The following ABCA10 variants were observed in gnomAD, a reference collection of about 807,000 sequenced individuals.
ABCA10 encodes ATP binding cassette subfamily A member 10.
A neutral mutation model predicts 187.5 loss-of-function variants in ABCA10; 169 were observed. The ratio of observed to expected loss-of-function variants is 0.90; its 90% CI spans 0.80 to 1.02. The LOEUF (loss-of-function observed/expected upper bound fraction) is 1.02, where lower values mean the gene tolerates loss of function less well. Among genes scored for constraint, ABCA10 ranks in the 50% least tolerant of loss-of-function variants. The pLI is 0.00. For missense variants in ABCA10, 1,727 were observed against 1,812.4 expected (o/e 0.95, Z 0.86); for synonymous variants, 574 against 601.8 (o/e 0.95, Z 0.68).
intron 5 of ABCA10, among the ~76,000 whole-genome samples, chr17:69,220,064 A>G (rs150873554): frequency 3.9e-4 from 59 of 152,380 alleles, no homozygotes; most frequent in African/African-American, 1.3e-3. Flanking sequence ...TACATTTTGT[A>G]GCGCAGCAGA....
At chr17:69,195,843 C>T (rs2074496080) in intron 11 of ABCA10, among the ~76,000 whole-genome samples, 2 of 151,960 alleles carry the variant, frequency 1.3e-5, no homozygotes, top group Admixed American at 6.5e-5. Context: ...CCTGAGTGGA[C>T]ACAGCACATG....
Position 69,216,087 on chromosome 17 carries a change from AT to A in ABCA10, c.673-88del, listed in dbSNP as rs2074701680. 46 of 1,554,696 alleles carry A rather than the reference AT, an allele frequency of 3.0e-5. No individual in the cohort carries two copies. In the South Asian group the frequency reaches 5.5e-4, roughly 18 times the overall value. On this transcript the variant is annotated intron_variant, in intron 7 of 38. Transcript: ENST00000690296. ...TCATCGATTTCTCACATTGTCAAAA[AT>A]TTTCTCAAAACATATAGAAAATAGG...
rs143548595 is a variant in ABCA10, at chr17:69,181,985, C to T, written c.2769+168G>A. Among the ~76,000 whole-genome samples, 84 of 152,024 alleles carry T rather than the reference C, an allele frequency of 5.5e-4. 2 individuals are homozygous for T. The East Asian group carries it at 0.016, about 29-fold the overall frequency. ...TCACAATAATTCTATAAAGTAGGTACTATTACGCTCCCTACTTTGCAGATG... is the reference window on the plus strand; with the variant it reads ...TCACAATAATTCTATAAAGTAGGTATTATTACGCTCCCTACTTTGCAGATG... On this transcript the variant is annotated intron_variant, in intron 22 of 38. Coordinates refer to ENST00000690296, the MANE Select transcript of ABCA10 (RefSeq NM_001377321.1).
Position 69,225,518 on chromosome 17 carries a change from T to C in ABCA10, c.-160A>G. 1 of 617,688 alleles carries C rather than the reference T, an allele frequency of 1.6e-6. No homozygotes were observed. The highest frequency in any genetic ancestry group is 2.3e-5 in the South Asian group (1 of 44,048). The allele number at this position is 617,688 out of a possible 1,614,324, so 38.3% of individuals were successfully genotyped here. On this transcript the variant is annotated 5_prime_UTR_variant, in exon 3 of 39. The change creates a new upstream start codon in the 5' untranslated region. Transcript: ENST00000690296. ...ACAAATATAGCCCTAGAAACAATGTTATTGTCCATTCCTCCAGCACACAAA... is the reference window on the plus strand; with the variant it reads ...ACAAATATAGCCCTAGAAACAATGTCATTGTCCATTCCTCCAGCACACAAA...
At chr17:69,214,637 G>A in intron 9 of ABCA10, 67 bp downstream of exon 9, 3 of 1,273,570 alleles carry the variant, frequency 2.4e-6, no homozygotes, top group Non-Finnish European at 3.1e-6. Context: ...CAAATAAACA[G>A]ATATTAATAC....
intron 9 of ABCA10, among the ~76,000 whole-genome samples, chr17:69,206,300 G>GA (rs1250636227): frequency 1.3e-5 from 2 of 152,040 alleles, no homozygotes; most frequent in Non-Finnish European, 1.5e-5. Context: ...TCATTTAAAG[G>GA]AAAAAAATGA....
chr17:69,244,729 A>G (rs186155147), exon 1 of ABCA10: 1 of 151,660 alleles, frequency 6.6e-6, no homozygotes, highest in Admixed American at 6.6e-5. Flanking sequence ...TAACAAACTC[A>G]GGGCACAATT....
intron 22 of ABCA10, among the ~76,000 whole-genome samples, chr17:69,179,656 A>C (rs1473416819): frequency 6.6e-6 from 1 of 152,238 alleles, no homozygotes; most frequent in African/African-American, 2.4e-5. Flanking sequence ...ATCAGACTGC[A>C]GGTGATAAGG....
intron 18 of ABCA10, 46 bp from the exon 19 acceptor site, chr17:69,187,925 CT>C: frequency 6.4e-7 from 1 of 1,560,834 alleles, no homozygotes; most frequent in Non-Finnish European, 8.8e-7. Flanking sequence ...GTTATCTGAA[CT>C]TTCTCTTTAA....
chr17:69,170,438 A>C (rs2074289736), intron 25 of ABCA10, among the ~76,000 whole-genome samples: 3 of 10,992 alleles, frequency 2.7e-4, no homozygotes, highest in South Asian at 2.1e-3. Flanking sequence ...TTTACTCATC[A>C]AAAAAAAAAA....
upstream of ABCA10, among the ~76,000 whole-genome samples, chr17:69,231,923 G>A (rs1197728263): frequency 1.3e-5 from 2 of 151,598 alleles, no homozygotes; most frequent in Admixed American, 6.6e-5. Context: ...TATATATTTC[G>A]GTACTCTTAT....
chr17:69,243,897 C>T (rs1231409364), intron 1 of ABCA10, among the ~76,000 whole-genome samples: 1 of 152,122 alleles, frequency 6.6e-6, no homozygotes, highest in Non-Finnish European at 1.5e-5. Flanking sequence ...GACCCTATCT[C>T]AAAAACGAAA....
intron 9 of ABCA10, among the ~76,000 whole-genome samples, chr17:69,204,812 T>C (rs927511967): frequency 1.3e-5 from 2 of 152,304 alleles, no homozygotes; most frequent in East Asian, 1.9e-4. Flanking sequence ...GGTCTAAAAA[T>C]AAAGATTTGA....
upstream of ABCA10, among the ~76,000 whole-genome samples, chr17:69,231,794 T>A (rs2144859985): frequency 6.6e-6 from 1 of 152,026 alleles, no homozygotes; most frequent in Non-Finnish European, 1.5e-5. Context: ...TCTGGTCTAA[T>A]ATGTGGTTTA....
intron 22 of ABCA10, among the ~76,000 whole-genome samples, chr17:69,179,292 T>C (rs973905518): frequency 6.6e-6 from 1 of 151,976 alleles, no homozygotes; most frequent in African/African-American, 2.4e-5. Context: ...GTTGGAGCAA[T>C]CAACAACGAA....
chr17:69,225,410 G>T lies in ABCA10; in HGVS notation c.-52C>A. The T allele has an allele frequency of 6.3e-7, 1 of 1,591,246 alleles. No individual in the cohort carries two copies. Among genetic ancestry groups the T allele is most frequent in the Non-Finnish European group, 8.6e-7 (1 of 1,161,154 alleles). On this transcript the variant is annotated 5_prime_UTR_variant, in exon 3 of 39. Transcript: ENST00000690296. ...GTGTATATGCCACTACCAGGCCAGAGTCATTAAACTGATCCACGCTTCCCA... is the reference window on the plus strand; with the variant it reads ...GTGTATATGCCACTACCAGGCCAGATTCATTAAACTGATCCACGCTTCCCA...
At chr17:69,232,097 T>C (rs1220900048), upstream of ABCA10, among the ~76,000 whole-genome samples, 1 of 152,144 alleles carries the variant, frequency 6.6e-6, no homozygotes, top group African/African-American at 2.4e-5. Flanking sequence ...AAATATCTTT[T>C]TCCATCTCTT....
Position 69,192,713 on chromosome 17 carries a change from C to A in ABCA10, c.1781-60G>T, listed in dbSNP as rs537385256. ...AGAGTAATTCCTTATATGGTATATT[C>A]TCTACTTTGGATACTAAAACACTGA... On this transcript the variant is annotated intron_variant, in intron 15 of 38. Transcript: ENST00000690296. 1.6e-5 allele frequency: 22 copies of A among 1,396,960 alleles called. No individual in the cohort carries two copies. The African/African-American group carries it at 1.9e-4, about 12-fold the overall frequency. 86.5% of individuals were successfully genotyped at this position (1,396,960 alleles called of 1,614,324 possible).
chr17:69,212,842 T>C (rs1312540968), intron 9 of ABCA10, among the ~76,000 whole-genome samples: 3 of 152,208 alleles, frequency 2.0e-5, no homozygotes, highest in Admixed American at 1.3e-4. Flanking sequence ...TGTGAGTCCT[T>C]ATGTGTTGGG....
Sources: allele counts gnomAD v4.1 joint callset (sites outside exome capture counted in the v4.1 genomes callset), GRCh38; gene constraint gnomAD v4.1.1; transcripts MANE v1.5; gene names NCBI Gene and HGNC (gene_info 2026-07-23, HGNC 2026-07-21).